Variants in CNTN4 observed in about 807,000 individuals in gnomAD.
CNTN4 encodes the protein contactin-4.
A neutral mutation model predicts 122.5 loss-of-function variants in CNTN4; 77 were observed. The ratio of observed to expected loss-of-function variants is 0.63; its 90% confidence interval spans 0.52 to 0.76. The LOEUF (loss-of-function observed/expected upper bound fraction) is 0.76, where lower values mean the gene tolerates loss of function less well. Ranked by LOEUF, CNTN4 falls within the 30% of genes least tolerant of loss-of-function variation. The pLI, the probability that CNTN4 is intolerant of heterozygous loss-of-function variation, is 0.00. For synonymous variants in CNTN4, 512 were observed against 447.0 expected (o/e 1.15, Z -1.83); for missense variants, 1,256 against 1,259.1 (o/e 1.00, Z 0.04).
chr3:2,172,963 G>A lies in CNTN4; in HGVS notation c.-145+72324G>A, dbSNP rs183177677. On this transcript the variant is annotated intron_variant, in intron 2 of 24. Coordinates refer to ENST00000418658, the MANE Select transcript of CNTN4 (RefSeq NM_175607.3). The stretch of plus-strand genomic sequence containing the variant: ...ATTGACGTTTTAAGCCTATGTGACA[G>A]GTATTATTGGCACTACAGATCAGAA... Among the ~76,000 whole-genome samples, 8 of 152,290 alleles carry A rather than the reference G, an allele frequency of 5.3e-5. No homozygotes were observed. In the East Asian group the frequency reaches 1.5e-3, roughly 29 times the overall value.
intron 2 of CNTN4, among the ~76,000 whole-genome samples, chr3:2,271,106 G>A (rs2041276752): frequency 1.6e-5 from 2 of 125,958 alleles, no homozygotes; most frequent in Admixed American, 7.9e-5. Flanking sequence ...TCTGTAAACG[G>A]TTTGGTGTCT....
chr3:2,790,875 A>G (rs931424917), intron 6 of CNTN4, among the ~76,000 whole-genome samples: 1 of 152,226 alleles, frequency 6.6e-6, no homozygotes, highest in Non-Finnish European at 1.5e-5. Flanking sequence ...GATAATCAGC[A>G]TCTGCCATCA....
At chr3:2,103,283 A>T (rs1232866389) in intron 2 of CNTN4, among the ~76,000 whole-genome samples, 1 of 151,918 alleles carries the variant, frequency 6.6e-6, no homozygotes, top group Non-Finnish European at 1.5e-5. Context: ...AGAATTTTTT[A>T]AAATACTAAA....
intron 4 of CNTN4, among the ~76,000 whole-genome samples, chr3:2,719,667 G>A (rs1048780172): frequency 5.9e-5 from 9 of 152,116 alleles, no homozygotes; most frequent in African/African-American, 1.7e-4. Flanking sequence ...CAGGCGATCC[G>A]CCTGCTTGGG....
chr3:2,479,703 C>A (rs2075935139), intron 3 of CNTN4, among the ~76,000 whole-genome samples: 2 of 152,316 alleles, frequency 1.3e-5, no homozygotes, highest in South Asian at 4.1e-4. Flanking sequence ...TCTTGCAATA[C>A]TGCCATTAAA....
intron 3 of CNTN4, among the ~76,000 whole-genome samples, chr3:2,568,029 C>T (rs1411278539): frequency 6.6e-6 from 1 of 152,130 alleles, no homozygotes; most frequent in Non-Finnish European, 1.5e-5. Context: ...CTAACCTCTG[C>T]ACACCCAGCA....
chr3:2,974,401 C>G (rs1170374332), intron 13 of CNTN4, among the ~76,000 whole-genome samples: 1 of 152,074 alleles, frequency 6.6e-6, no homozygotes, highest in Non-Finnish European at 1.5e-5. Flanking sequence ...AGCTGTTTAC[C>G]ATGCACCATC....
intron 4 of CNTN4, among the ~76,000 whole-genome samples, chr3:2,585,839 A>T (rs78780247): frequency 4.9e-4 from 71 of 144,462 alleles, no homozygotes; most frequent in Admixed American, 1.0e-3. Context: ...AAAGTATAAT[A>T]AAAAAAAAAA....
intron 3 of CNTN4, among the ~76,000 whole-genome samples, chr3:2,352,492 G>A (rs972064074): frequency 6.6e-6 from 1 of 152,222 alleles, no homozygotes; most frequent in Non-Finnish European, 1.5e-5. Flanking sequence ...CAGAGTGGCA[G>A]GCCGGCACAG....
At chr3:2,602,914 G>C (rs1320840141) in intron 4 of CNTN4, among the ~76,000 whole-genome samples, 1 of 152,212 alleles carries the variant, frequency 6.6e-6, no homozygotes, top group Non-Finnish European at 1.5e-5. Context: ...CCAGTGAGCA[G>C]ACATTAGAGT....
intron 2 of CNTN4, among the ~76,000 whole-genome samples, chr3:2,251,048 A>C (rs1258611581): frequency 6.6e-6 from 1 of 151,894 alleles, no homozygotes; most frequent in Non-Finnish European, 1.5e-5. Flanking sequence ...ATATTTTAAA[A>C]ATACCAAATA....
chr3:2,287,412 G>A (rs1188124539), intron 2 of CNTN4, among the ~76,000 whole-genome samples: 1 of 151,842 alleles, frequency 6.6e-6, no homozygotes, highest in Non-Finnish European at 1.5e-5. Context: ...GACCAGCCTA[G>A]GCAACTTAGT....
chr3:2,209,532 G>C (rs1153537), intron 2 of CNTN4, among the ~76,000 whole-genome samples: 2 of 151,780 alleles, frequency 1.3e-5, no homozygotes, highest in Non-Finnish European at 2.9e-5. Flanking sequence ...AACAAAAAAG[G>C]TCCCTGTTTT....
In CNTN4 at chr3:2,728,875, C is replaced by G. The variant is rs185294554; in HGVS notation, c.56-7340C>G. Among the ~76,000 whole-genome samples the G allele has an allele frequency of 3.3e-5, 5 of 152,282 alleles. No individual in the cohort carries two copies. In the East Asian group the frequency reaches 9.7e-4, roughly 29 times the overall value. On this transcript the variant is annotated intron_variant, in intron 4 of 24. Coordinates refer to ENST00000418658, the MANE Select transcript of CNTN4 (RefSeq NM_175607.3). ...TTCTACCCAAGACCAGGTGTTTAAT[C>G]AAATAGCCCATTTGATGTCATGGGA...
At chr3:2,593,541 G>C (rs535817463) in intron 4 of CNTN4, among the ~76,000 whole-genome samples, 1 of 152,156 alleles carries the variant, frequency 6.6e-6, no homozygotes. Context: ...TTAAGTTCAT[G>C]TAATGACAAC....
chr3:2,336,184 A>G (rs1027486022), intron 2 of CNTN4, among the ~76,000 whole-genome samples: 3 of 151,804 alleles, frequency 2.0e-5, no homozygotes, highest in African/African-American at 7.3e-5. Context: ...ATATTCTCTT[A>G]CTGTTTTAGA....
intron 2 of CNTN4, among the ~76,000 whole-genome samples, chr3:2,120,283 C>T (rs1043179363): frequency 6.1e-5 from 9 of 146,374 alleles, no homozygotes; most frequent in African/African-American, 2.1e-4. Context: ...ACATTAGTTT[C>T]ACACTTTACT....
At chr3:2,189,011 G>A (rs982487802) in intron 2 of CNTN4, among the ~76,000 whole-genome samples, 9 of 152,136 alleles carry the variant, frequency 5.9e-5, no homozygotes, top group African/African-American at 2.2e-4. Flanking sequence ...TAGAGGGACT[G>A]AGGATTTTGC....
At chr3:2,884,331 A>G (rs1481518163) in intron 9 of CNTN4, among the ~76,000 whole-genome samples, 2 of 151,910 alleles carry the variant, frequency 1.3e-5, no homozygotes, top group African/African-American at 2.4e-5. Flanking sequence ...TCCTTTTTCC[A>G]TTTTATTGTC....
Sources: gnomAD v4.1 joint callset for allele counts (sites outside exome capture counted in the v4.1 genomes callset) on GRCh38, gnomAD v4.1.1 for gene constraint, MANE v1.5 for transcripts, NCBI Gene and HGNC (gene_info 2026-07-23, HGNC 2026-07-21) for gene names.